The following GRIK3 variants were observed in gnomAD, a reference collection of about 807,000 sequenced individuals.
GRIK3 encodes the protein glutamate receptor ionotropic, kainate 3.
In GRIK3, 29 loss-of-function variants were observed where a neutral mutation model predicts 102.5. The ratio of observed to expected loss-of-function variants is 0.28; its 90% confidence interval spans 0.21 to 0.39. The LOEUF (loss-of-function observed/expected upper bound fraction) is 0.39. Ranked by LOEUF, GRIK3 falls within the 10% of genes least tolerant of loss-of-function variation. GRIK3 has a pLI of 1.00. For synonymous variants in GRIK3, 511 were observed against 504.9 expected, an observed-to-expected ratio of 1.01 and a Z score of -0.16; for missense variants, 908 against 1,252.4, an observed-to-expected ratio of 0.73 and a Z score of 4.15.
At chr1:36,859,062 C>T (rs774486774) in intron 7 of GRIK3, 46 bp downstream of exon 7, 1 of 1,517,646 alleles carries the variant, frequency 6.6e-7, no homozygotes, top group South Asian at 1.2e-5. Flanking sequence ...CTACAGGGCC[C>T]ACAGTCCCGG....
At chr1:37,024,015 G>C (rs377609608) in intron 1 of GRIK3, among the ~76,000 whole-genome samples, 1 of 152,218 alleles carries the variant, frequency 6.6e-6, no homozygotes, top group Non-Finnish European at 1.5e-5. Flanking sequence ...AAAAGTTATA[G>C]ATCAGCAGCA....
intron 15 of GRIK3, among the ~76,000 whole-genome samples, chr1:36,804,385 A>G (rs2124175665): frequency 6.6e-6 from 1 of 152,308 alleles, no homozygotes. Flanking sequence ...AGTCCAGGGC[A>G]TTAGCACTTG....
intron 1 of GRIK3, among the ~76,000 whole-genome samples, chr1:36,967,190 T>C (rs998029142): frequency 4.6e-5 from 7 of 152,252 alleles, no homozygotes; most frequent in African/African-American, 1.7e-4. Flanking sequence ...AGTGCTGTGA[T>C]AGAGTGCAAG....
intron 1 of GRIK3, among the ~76,000 whole-genome samples, chr1:36,972,609 G>C (rs1277564253): frequency 6.6e-6 from 1 of 152,180 alleles, no homozygotes; most frequent in African/African-American, 2.4e-5. Flanking sequence ...CGTTCAGGGA[G>C]TCAAAATGAG....
intron 10 of GRIK3, among the ~76,000 whole-genome samples, chr1:36,838,171 A>G (rs571662635): frequency 6.6e-6 from 1 of 152,342 alleles, no homozygotes; most frequent in South Asian, 2.1e-4. Flanking sequence ...GCCATATCTC[A>G]TTAAATCTTC....
chr1:36,886,672 G>A (rs761730682), intron 2 of GRIK3, among the ~76,000 whole-genome samples: 5 of 152,218 alleles, frequency 3.3e-5, no homozygotes, highest in Non-Finnish European at 7.3e-5. Flanking sequence ...ATAAAATATA[G>A]TAAAGTGCAT....
chr1:36,924,592 C>T (rs911016017), intron 1 of GRIK3, among the ~76,000 whole-genome samples: 2 of 152,144 alleles, frequency 1.3e-5, no homozygotes, highest in African/African-American at 2.4e-5. Flanking sequence ...ACAGCCAGAG[C>T]CTCCTAATGC....
intron 1 of GRIK3, among the ~76,000 whole-genome samples, chr1:36,932,920 G>A (rs897048750): frequency 6.6e-6 from 1 of 152,166 alleles, no homozygotes; most frequent in African/African-American, 2.4e-5. Flanking sequence ...ATGGAGGGAG[G>A]AAGAGGTCAT....
At chr1:36,832,082 GCTCTACT>G (rs1557696088) in intron 10 of GRIK3, among the ~76,000 whole-genome samples, 7 of 336 alleles carry the variant, frequency 0.021, no homozygotes, top group East Asian at 0.062. Context: ...CCTGGCGACT[GCTCTACT>G]GCTCTCATCG....
chr1:36,881,333 A>T (rs1418663607), intron 2 of GRIK3, among the ~76,000 whole-genome samples: 2 of 151,926 alleles, frequency 1.3e-5, no homozygotes, highest in African/African-American at 4.8e-5. Context: ...GGACCTGTGC[A>T]TCTCACCTCT....
intron 10 of GRIK3, among the ~76,000 whole-genome samples, chr1:36,832,332 C>T (rs1640312049): frequency 6.6e-6 from 1 of 152,180 alleles, no homozygotes; most frequent in Non-Finnish European, 1.5e-5. Context: ...AGACGAGGCA[C>T]CCAGCGAGCG....
intron 10 of GRIK3, among the ~76,000 whole-genome samples, chr1:36,839,429 G>C (rs193171723): frequency 5.3e-4 from 80 of 152,298 alleles, no homozygotes; most frequent in African/African-American, 1.9e-3. Flanking sequence ...ACAACAAGCT[G>C]TGAAGAATGT....
At chr1:36,802,097 G>A (rs780094773) in intron 15 of GRIK3, 52 bp from the exon 16 acceptor site, 15 of 1,332,490 alleles carry the variant, frequency 1.1e-5, no homozygotes, top group South Asian at 4.1e-5. Context: ...AGTGATGCCC[G>A]GTCTTGCAAC....
intron 7 of GRIK3, among the ~76,000 whole-genome samples, chr1:36,856,993 G>A (rs1051874435): frequency 2.6e-5 from 4 of 152,300 alleles, no homozygotes; most frequent in South Asian, 2.1e-4. Flanking sequence ...CGAGCCAGGC[G>A]TTGTCCCTAG....
At chr1:36,851,291 C>G (rs1018790271) in intron 8 of GRIK3, among the ~76,000 whole-genome samples, 1 of 152,228 alleles carries the variant, frequency 6.6e-6, no homozygotes, top group Admixed American at 6.5e-5. Context: ...CCAAAGCCAC[C>G]GGTTGGAGCT....
chr1:36,821,947 A>G (rs1642700347), intron 11 of GRIK3, among the ~76,000 whole-genome samples: 1 of 152,258 alleles, frequency 6.6e-6, no homozygotes, highest in African/African-American at 2.4e-5. Flanking sequence ...AAAATCCCCT[A>G]TCATACCACT....
intron 1 of GRIK3, among the ~76,000 whole-genome samples, chr1:37,028,048 C>T (rs181331300): frequency 2.0e-4 from 31 of 152,150 alleles, no homozygotes; most frequent in East Asian, 1.2e-3. Context: ...AAAAATAAAA[C>T]GACCATAAAA....
intron 7 of GRIK3, among the ~76,000 whole-genome samples, chr1:36,856,141 T>TC (rs1640648599): frequency 6.6e-6 from 1 of 152,208 alleles, no homozygotes; most frequent in Non-Finnish European, 1.5e-5. Context: ...AAACTCAGCT[T>TC]CCCTCAGGCT....
chr1:36,974,206 T>C (rs923349514), intron 1 of GRIK3, among the ~76,000 whole-genome samples: 1 of 152,230 alleles, frequency 6.6e-6, no homozygotes, highest in Non-Finnish European at 1.5e-5. Context: ...TTTTAGGCTG[T>C]GCTTTCAGGG....
Sources: gnomAD v4.1 joint callset for allele counts (sites outside exome capture counted in the v4.1 genomes callset) on GRCh38, gnomAD v4.1.1 for gene constraint, MANE v1.5 for transcripts, NCBI Gene and HGNC (gene_info 2026-07-23, HGNC 2026-07-21) for gene names.